The following ZNF354C variants were observed in gnomAD, a reference collection of about 807,000 sequenced individuals.
ZNF354C encodes the protein zinc finger protein 354C, also known as KRAB-zinc finger protein synten.
A neutral mutation model predicts 12.4 loss-of-function variants in ZNF354C; 7 were observed. The observed-to-expected ratio is 0.56, with a 90% CI of 0.32 to 1.06. The LOEUF (loss-of-function observed/expected upper bound fraction) is 1.06, where lower values mean the gene tolerates loss of function less well. Ranked by LOEUF, ZNF354C falls within the 50% of genes least tolerant of loss-of-function variation. The probability of loss-of-function intolerance (pLI) is 0.04; values close to 1 mark genes in which losing one functional copy is unlikely to be tolerated. For synonymous variants in ZNF354C, 202 were observed against 224.5 expected (o/e 0.90, Z 0.90); for missense variants, 609 against 658.0 (o/e 0.93, Z 0.81).
intron 2 of ZNF354C, among the ~76,000 whole-genome samples, chr5:179,063,647 T>C (rs1402192764): frequency 6.6e-6 from 1 of 152,228 alleles, no homozygotes; most frequent in African/African-American, 2.4e-5. Context: ...ATCTATTCCT[T>C]TCATATAGTA....
At chr5:179,065,826 G>A (rs2113108672) in intron 2 of ZNF354C, among the ~76,000 whole-genome samples, 1 of 152,308 alleles carries the variant, frequency 6.6e-6, no homozygotes, top group East Asian at 1.9e-4. Flanking sequence ...TGAAGCGTCA[G>A]TCTGATCACA....
Position 179,078,916 on chromosome 5 carries a change from A to C in ZNF354C, c.484A>C (p.Ser162Arg), listed in dbSNP as rs1010934727. 5.6e-6 allele frequency: 9 copies of C among 1,614,042 alleles called. No individual in the cohort carries two copies. The African/African-American group carries it at 1.2e-4, about 22-fold the overall frequency. ...CATCAGTGAAGATGGAAACCATACA[A>C]GTCTTGAATTGGGGAAAAGCTTATT... is the stretch of plus-strand genomic sequence containing the variant. ...KTISEDGNHTSLELGKSLFTN... is the reference protein window; with the variant it reads ...KTISEDGNHTRLELGKSLFTN... The change falls in exon 5 of 5, where the codon AGT becomes CGT. Residue 162 changes from serine (S) to arginine (R), a missense_variant. Physicochemically the swap from Ser to Arg is moderately radical, Grantham distance 110. Transcript: ENST00000315475.
In ZNF354C at chr5:179,079,897, A is replaced by T. The variant is rs1381360177; in HGVS notation, c.1465A>T (p.Ile489Phe). Residue 489 changes from isoleucine (I) to phenylalanine (F), a missense_variant, in exon 5 of 5, where the codon ATC becomes TTC. Coordinates refer to ENST00000315475, the MANE Select transcript of ZNF354C (RefSeq NM_014594.3). The surrounding 1 kb of genome is among the most constrained non-coding windows in gnomAD (Gnocchi z 4.2). ...TTCATTTTTAACCGAACATGAGAGGATCCACACTGGAGAGAAACTGTATAA... is the reference window on the plus strand; with the variant it reads ...TTCATTTTTAACCGAACATGAGAGGTTCCACACTGGAGAGAAACTGTATAA... ...QYSFLTEHER[I>F]HTGEKLYKCM... 6.2e-7 allele frequency: 1 copy of T among 1,614,002 alleles called. No homozygotes were observed. Among genetic ancestry groups the T allele is most frequent in the South Asian group, 1.1e-5 (1 of 91,046 alleles).
At chr5:179,066,256 C>A (rs1384154563) in intron 2 of ZNF354C, among the ~76,000 whole-genome samples, 4 of 152,230 alleles carry the variant, frequency 2.6e-5, no homozygotes, top group Non-Finnish European at 5.9e-5. Context: ...TAACATACTG[C>A]ACCATGGGTA....
Position 179,081,692 on chromosome 5 carries a change from G to A in ZNF354C, c.*1595G>A, listed in dbSNP as rs1283183618. The A allele has an allele frequency of 6.6e-6, 1 of 152,144 alleles. No individual in the cohort carries two copies. The highest frequency in any genetic ancestry group is 1.5e-5 in the Non-Finnish European group (1 of 68,032). The allele number at this position is 152,144 out of a possible 1,614,324, so 9.4% of individuals were successfully genotyped here. ...CATTGTACCCAGTAGTGGTGAGCATGCTTAGTACCCAAATTTTGGTTTCTA... is the reference window on the plus strand; with the variant it reads ...CATTGTACCCAGTAGTGGTGAGCATACTTAGTACCCAAATTTTGGTTTCTA... On this transcript the variant is annotated 3_prime_UTR_variant, in exon 5 of 5. Coordinates refer to ENST00000315475, the MANE Select transcript of ZNF354C (RefSeq NM_014594.3).
At chr5:179,075,541 T>C (rs550791600) in intron 2 of ZNF354C, among the ~76,000 whole-genome samples, 8 of 152,226 alleles carry the variant, frequency 5.3e-5, no homozygotes, top group Non-Finnish European at 2.9e-5. Context: ...AGCCTAATGA[T>C]AGGGCATAAA....
In ZNF354C at chr5:179,080,060, A is replaced by G; in HGVS notation, c.1628A>G (p.Gln543Arg). The G allele has an allele frequency of 6.3e-7, 1 of 1,598,452 alleles. No homozygotes were observed. The highest frequency in any genetic ancestry group is 2.2e-5 in the East Asian group (1 of 44,814). The change falls in exon 5 of 5, where the codon CAG (glutamine) becomes CGG (arginine). Residue 543 changes from glutamine to arginine, a missense_variant. By Grantham distance (43) the Gln-to-Arg change is conservative. Coordinates refer to ENST00000315475, the MANE Select transcript of ZNF354C (RefSeq NM_014594.3). ...TGCAGCTCCTCACTTACCCAGTATCAGAGATTTTTTAAAGGAGATAAAGCC... is the reference window on the plus strand; with the variant it reads ...TGCAGCTCCTCACTTACCCAGTATCGGAGATTTTTTAAAGGAGATAAAGCC... ...FICSSSLTQY[Q>R]RFFKGDKAYE...
intron 4 of ZNF354C, 100 bp downstream of exon 4, chr5:179,077,266 T>C (rs1762137725): frequency 1.1e-6 from 1 of 897,634 alleles, no homozygotes; most frequent in African/African-American, 1.6e-5. Flanking sequence ...CTGAGTCCTC[T>C]TGAGATGCTC....
chr5:179,065,417 T>C (rs1317100110), intron 2 of ZNF354C, among the ~76,000 whole-genome samples: 1 of 151,868 alleles, frequency 6.6e-6, no homozygotes, highest in African/African-American at 2.4e-5. Context: ...TTTTTGTTTT[T>C]GTTTTTTTGT....
At chr5:179,068,910 C>A (rs1238756352) in intron 2 of ZNF354C, among the ~76,000 whole-genome samples, 1 of 152,252 alleles carries the variant, frequency 6.6e-6, no homozygotes, top group Non-Finnish European at 1.5e-5. Flanking sequence ...TGCCTCCTGC[C>A]ACATGGCCTC....
At chr5:179,062,305 C>T (rs960632907) in intron 2 of ZNF354C, among the ~76,000 whole-genome samples, 2 of 152,142 alleles carry the variant, frequency 1.3e-5, no homozygotes, top group African/African-American at 4.8e-5. Context: ...TTAATTCACC[C>T]CGCTCACTCT....
chr5:179,083,119 T>A lies in ZNF354C; in HGVS notation c.*3022T>A. The A allele has an allele frequency of 1.8e-6, 1 of 557,540 alleles. No individual in the cohort carries two copies. The highest frequency in any genetic ancestry group is 3.9e-4 in the Middle Eastern group (1 of 2,570). 34.5% of individuals were successfully genotyped at this position (557,540 alleles called of 1,614,324 possible). On this transcript the variant is annotated 3_prime_UTR_variant, in exon 5 of 5. Transcript: ENST00000315475. Reference sequence around the variant, plus strand: ...GTCTGGACTTTTCAAAAAGCAAATGTAGTAAAACAAAAAGTGGTCTCTGCT... The same window carrying A: ...GTCTGGACTTTTCAAAAAGCAAATGAAGTAAAACAAAAAGTGGTCTCTGCT...
chr5:179,076,607 A>T (rs2113122461), intron 3 of ZNF354C, 36 bp downstream of exon 3: 1 of 1,610,400 alleles, frequency 6.2e-7, no homozygotes, highest in Non-Finnish European at 8.5e-7. Flanking sequence ...AATCTGTTAT[A>T]GGAACGCCTC....
chr5:179,072,774 CA>C (rs1762067467), intron 2 of ZNF354C, among the ~76,000 whole-genome samples: 1 of 152,034 alleles, frequency 6.6e-6, no homozygotes, highest in Non-Finnish European at 1.5e-5. Flanking sequence ...CCAGTAGATC[CA>C]AATATTATTT....
At position 179,062,021 on chromosome 5, in the gene ZNF354C, C is replaced by G. The variant is rs369952026; in HGVS notation, c.-48C>G. The stretch of plus-strand genomic sequence containing the variant: ...ACACCTTTTTCCTCTGCAGACCCAC[C>G]GTGTCCACACTCTGCTCTCCCTGGG... On this transcript the variant is annotated 5_prime_UTR_variant, in exon 2 of 5. Transcript: ENST00000315475. 6.2e-7 allele frequency: 1 copy of G among 1,610,754 alleles called. No homozygotes were observed. The highest frequency in any genetic ancestry group is 1.7e-5 in the Admixed American group (1 of 59,958).
intron 2 of ZNF354C, among the ~76,000 whole-genome samples, chr5:179,074,093 C>T (rs1762082640): frequency 6.6e-6 from 1 of 151,868 alleles, no homozygotes; most frequent in Admixed American, 6.6e-5. Flanking sequence ...AGTGATTCTC[C>T]TGCCTCAGCC....
chr5:179,067,812 C>T (rs1664388030), intron 2 of ZNF354C, among the ~76,000 whole-genome samples: 1 of 152,014 alleles, frequency 6.6e-6, no homozygotes, highest in Admixed American at 6.5e-5. Context: ...GGCGCCACTG[C>T]ACTCCAGCTG....
Position 179,082,698 on chromosome 5 carries a change from ATCTT to A in ZNF354C, c.*2609_*2612del. On this transcript the variant is annotated 3_prime_UTR_variant, in exon 5 of 5. Transcript: ENST00000315475. Reference sequence around the variant, plus strand: ...TTAGTCAATGACACCAGCTTGACGGATCTTTCTTTCTGCACCAAACCCCATTGAG... The same window carrying A: ...TTAGTCAATGACACCAGCTTGACGGATCTTTCTGCACCAAACCCCATTGAG... 5 of 1,592,922 alleles carry A rather than the reference ATCTT, an allele frequency of 3.1e-6. No homozygotes were observed. Among genetic ancestry groups the A allele is most frequent in the South Asian group, 1.1e-5 (1 of 90,454 alleles).
intron 2 of ZNF354C, among the ~76,000 whole-genome samples, chr5:179,068,370 C>T (rs921766586): frequency 1.3e-5 from 2 of 152,126 alleles, no homozygotes; most frequent in South Asian, 2.1e-4. Flanking sequence ...TTTTAGCACG[C>T]GTCTGTTTTC....
Sources: gnomAD v4.1 joint callset for allele counts (sites outside exome capture counted in the v4.1 genomes callset) on GRCh38, gnomAD v4.1.1 for gene constraint, Gnocchi (gnomAD v3.1) non-coding constraint, MANE v1.5 for transcripts, NCBI Gene and HGNC (gene_info 2026-07-23, HGNC 2026-07-21) for gene names.